GSG1L: variants seen among roughly 807,000 people sequenced by gnomAD.
The protein encoded by GSG1L is germ cell-specific gene 1-like protein.
In GSG1L, 24 loss-of-function variants were observed where a neutral mutation model predicts 42.1. The observed-to-expected ratio is 0.57, with a 90% confidence interval of 0.41 to 0.80. The LOEUF (loss-of-function observed/expected upper bound fraction) is 0.80. GSG1L is among the 30% of genes least tolerant of loss of function. The pLI is 0.00. For synonymous variants in GSG1L, 215 were observed against 203.5 expected (o/e 1.06, Z -0.48); for missense variants, 445 against 472.2 (o/e 0.94, Z 0.53).
At chr16:27,852,638 A>G (rs532708529) in intron 3 of GSG1L, among the ~76,000 whole-genome samples, 1 of 152,236 alleles carries the variant, frequency 6.6e-6, no homozygotes, top group South Asian at 2.1e-4. Context: ...GGGGCACGTG[A>G]GAGGTGAGAG....
intron 3 of GSG1L, among the ~76,000 whole-genome samples, chr16:27,873,217 A>G (rs1398396221): frequency 6.6e-6 from 1 of 152,254 alleles, no homozygotes; most frequent in Non-Finnish European, 1.5e-5. Context: ...TAAAATCCAA[A>G]TGTTTTTTGC....
chr16:28,060,634 G>A (rs1181792644), intron 1 of GSG1L, among the ~76,000 whole-genome samples: 2 of 152,032 alleles, frequency 1.3e-5, no homozygotes, highest in African/African-American at 2.4e-5. Context: ...TCTCTTCCGC[G>A]ATCCCTTCAC....
chr16:27,861,169 A>T (rs1346663597), intron 3 of GSG1L, among the ~76,000 whole-genome samples: 1 of 152,162 alleles, frequency 6.6e-6, no homozygotes, highest in Admixed American at 6.5e-5. Context: ...GGAGTTCGAG[A>T]CCAGCCTGGC....
chr16:27,876,482 G>A, intron 3 of GSG1L, among the ~76,000 whole-genome samples: 1 of 152,192 alleles, frequency 6.6e-6, no homozygotes, highest in Non-Finnish European at 1.5e-5. Flanking sequence ...CAAACTCAGT[G>A]AGCGCATGGC....
Position 27,946,549 on chromosome 16 carries a change from A to AAAAG in GSG1L, c.397+16603_397+16606dup, listed in dbSNP as rs201856072. Among the ~76,000 whole-genome samples the AAAAG allele has an allele frequency of 7.6e-3, 393 of 51,936 alleles. 21 individuals carry two copies. The highest frequency in any genetic ancestry group is 0.038 in the East Asian group (58 of 1,508). 34.1% of individuals were successfully genotyped at this position (51,936 alleles called of 152,430 possible). ...CACAGAGCAAGACTCTGTCTCAAAA[A>AAAAG]AAAGAAAGAAAGAAAGAAAGAAAGA... On this transcript the variant is annotated intron_variant, in intron 2 of 6. Coordinates refer to ENST00000447459, the MANE Select transcript of GSG1L (RefSeq NM_001109763.2).
At chr16:27,978,622 C>T (rs1378495396) in intron 1 of GSG1L, among the ~76,000 whole-genome samples, 6 of 143,820 alleles carry the variant, frequency 4.2e-5, no homozygotes, top group African/African-American at 1.0e-4. Context: ...ACCTGGGAGG[C>T]GGAGGTTGCA....
At chr16:27,891,936 G>C (rs1177329552) in intron 2 of GSG1L, among the ~76,000 whole-genome samples, 7 of 128,572 alleles carry the variant, frequency 5.4e-5, no homozygotes, top group African/African-American at 1.7e-4. Context: ...TTTCCAGTGA[G>C]AGTGGTGATC....
chr16:27,956,755 C>T (rs1335820280), intron 2 of GSG1L, among the ~76,000 whole-genome samples: 2 of 152,026 alleles, frequency 1.3e-5, no homozygotes, highest in African/African-American at 4.8e-5. Flanking sequence ...TGGAACCAAG[C>T]CTTCCGACAT....
At chr16:27,811,606 A>G (rs899901229) in intron 5 of GSG1L, among the ~76,000 whole-genome samples, 1 of 152,176 alleles carries the variant, frequency 6.6e-6, no homozygotes, top group East Asian at 1.9e-4. Flanking sequence ...ACCTTGAACC[A>G]ACCCCTCCAT....
At chr16:27,810,039 A>G (rs2083013486) in intron 5 of GSG1L, among the ~76,000 whole-genome samples, 1 of 152,202 alleles carries the variant, frequency 6.6e-6, no homozygotes, top group Non-Finnish European at 1.5e-5. Flanking sequence ...TCATTCATTC[A>G]TTCATTCGCT....
intron 4 of GSG1L, among the ~76,000 whole-genome samples, chr16:27,832,248 C>T (rs532450813): frequency 1.5e-4 from 23 of 152,256 alleles, no homozygotes; most frequent in Admixed American, 2.6e-4. Context: ...TAGCCAGTTT[C>T]CCCCAATGGT....
At chr16:27,920,876 G>C (rs1030911681) in intron 2 of GSG1L, among the ~76,000 whole-genome samples, 1 of 152,228 alleles carries the variant, frequency 6.6e-6, no homozygotes, top group Non-Finnish European at 1.5e-5. Flanking sequence ...CAAGAGCAGA[G>C]AATGCAGGGA....
chr16:27,791,362 G>A lies in GSG1L; in HGVS notation c.*8C>T, dbSNP rs753972887. ...GCCTGAGGTCCGCGGGCCAGGTTGA[G>A]GTCTTGGTCACACCCAGTGCCCCAA... On this transcript the variant is annotated 3_prime_UTR_variant, in exon 7 of 7. Coordinates refer to ENST00000447459, the MANE Select transcript of GSG1L (RefSeq NM_001109763.2). The A allele has an allele frequency of 2.2e-6, 3 of 1,392,626 alleles. No individual in the cohort carries two copies. In the South Asian group the frequency reaches 5.4e-5, roughly 25 times the overall value. 86.3% of individuals were successfully genotyped at this position (1,392,626 alleles called of 1,614,324 possible). A position where few individuals can be genotyped will look rare whatever the true frequency, so the allele number is the denominator to read the frequency against.
chr16:27,798,180 A>G (rs9931266), intron 6 of GSG1L, among the ~76,000 whole-genome samples: 23,085 of 152,132 alleles, frequency 0.15, 2,089 homozygotes, highest in Admixed American at 0.27. Context: ...ACCTATAACA[A>G]TTAAAACATT....
intron 1 of GSG1L, among the ~76,000 whole-genome samples, chr16:27,983,965 C>G (rs1255440701): frequency 6.6e-6 from 1 of 152,122 alleles, no homozygotes; most frequent in Non-Finnish European, 1.5e-5. Flanking sequence ...TAAATAACCC[C>G]TGATAGAGAA....
intron 3 of GSG1L, among the ~76,000 whole-genome samples, chr16:27,883,228 A>C (rs1266803067): frequency 6.6e-6 from 1 of 151,140 alleles, no homozygotes; most frequent in Non-Finnish European, 1.5e-5. Flanking sequence ...TTAGGCCTTC[A>C]GTGAATGTAG....
chr16:27,887,876 T>C (rs910243756), intron 2 of GSG1L, among the ~76,000 whole-genome samples: 1 of 152,168 alleles, frequency 6.6e-6, no homozygotes, highest in African/African-American at 2.4e-5. Context: ...GAGAATAATG[T>C]GCTCTTGGCA....
chr16:28,024,657 G>A (rs2085880996), intron 1 of GSG1L, among the ~76,000 whole-genome samples: 1 of 152,206 alleles, frequency 6.6e-6, no homozygotes, highest in Non-Finnish European at 1.5e-5. Flanking sequence ...ACACTTGCCA[G>A]CCAGGTGACC....
chr16:27,936,744 A>G (rs2084722507), intron 2 of GSG1L, among the ~76,000 whole-genome samples: 1 of 152,228 alleles, frequency 6.6e-6, no homozygotes, highest in South Asian at 2.1e-4. Context: ...TCTTTCTACT[A>G]CATTGGTACA....
Sources: gnomAD v4.1 joint callset for allele counts (sites outside exome capture counted in the v4.1 genomes callset) on GRCh38, gnomAD v4.1.1 for gene constraint, MANE v1.5 for transcripts, NCBI Gene and HGNC (gene_info 2026-07-23, HGNC 2026-07-21) for gene names.